GLB1: variants seen among roughly 807,000 people sequenced by gnomAD.
The protein encoded by GLB1 is beta-galactosidase.
Under a neutral mutation model 74.0 loss-of-function variants are expected in GLB1, and 56 were observed. That is an observed-to-expected ratio of 0.76 (90% CI 0.61 to 0.94). The LOEUF is 0.94. Ranked by LOEUF, GLB1 falls within the 40% of genes least tolerant of loss-of-function variation. The pLI is 0.00. For missense variants in GLB1, 787 were observed against 845.5 expected, an observed-to-expected ratio of 0.93 and a Z score of 0.86; for synonymous variants, 323 against 323.6, an observed-to-expected ratio of 1.00 and a Z score of 0.02.
At chr3:33,090,837 T>TCAAGCA in intron 1 of GLB1, 1 of 985,140 alleles carries the variant, frequency 1.0e-6, no homozygotes, top group Non-Finnish European at 1.2e-6. Flanking sequence ...AAGCAATCAG[T>TCAAGCA]CAAGCAAGGA....
chr3:32,977,779 G>A, the GLB1 span, among the ~76,000 whole-genome samples: 80 of 152,300 alleles, frequency 5.3e-4, no homozygotes, highest in Admixed American at 2.2e-3. Context: ...GATATCATCC[G>A]AGAAGATTGA....
the GLB1 span, among the ~76,000 whole-genome samples, chr3:32,962,193 T>TA: frequency 0.86 from 127,724 of 148,726 alleles, 55,084 homozygotes; most frequent in East Asian, 0.99. Flanking sequence ...GACTACATAT[T>TA]AAAAAAAAAA....
At chr3:33,048,207 C>A (rs762219146) in intron 9 of GLB1, among the ~76,000 whole-genome samples, 2 of 152,048 alleles carry the variant, frequency 1.3e-5, no homozygotes, top group Non-Finnish European at 2.9e-5. Context: ...ACTTTACAGG[C>A]CGAGGGAGCC....
chr3:32,979,196 G>A, the GLB1 span, among the ~76,000 whole-genome samples: 1 of 151,930 alleles, frequency 6.6e-6, no homozygotes, highest in Non-Finnish European at 1.5e-5. Context: ...GCCTAGTCTC[G>A]AACTCCCAAC....
intron 1 of GLB1, among the ~76,000 whole-genome samples, chr3:33,088,359 C>A (rs1700611847): frequency 7.6e-6 from 1 of 130,862 alleles, no homozygotes; most frequent in Non-Finnish European, 1.6e-5. Flanking sequence ...TGTAGGAAAC[C>A]CTAAAGACTA....
the GLB1 span, among the ~76,000 whole-genome samples, chr3:32,964,335 A>C: frequency 6.6e-6 from 1 of 152,352 alleles, no homozygotes; most frequent in Non-Finnish European, 1.5e-5. Context: ...GCTCCTCTTC[A>C]TGGAATGACC....
At chr3:33,049,566 G>A (rs181535090) in intron 9 of GLB1, among the ~76,000 whole-genome samples, 4 of 152,158 alleles carry the variant, frequency 2.6e-5, no homozygotes, top group South Asian at 4.2e-4. Context: ...ACAGGTGAGC[G>A]CCACCACAAC....
At chr3:33,084,103 C>T (rs1263956596) in intron 1 of GLB1, among the ~76,000 whole-genome samples, 4 of 152,110 alleles carry the variant, frequency 2.6e-5, no homozygotes, top group Non-Finnish European at 5.9e-5. Flanking sequence ...CCCTACACAC[C>T]CCTACAACTC....
chr3:33,041,402 C>G (rs555023770), intron 10 of GLB1, among the ~76,000 whole-genome samples: 28 of 152,258 alleles, frequency 1.8e-4, no homozygotes, highest in African/African-American at 6.0e-4. Context: ...TGGCTCACAC[C>G]TGTAATCCCA....
intron 1 of GLB1, among the ~76,000 whole-genome samples, chr3:33,088,295 TC>T (rs1193777568): frequency 6.7e-6 from 1 of 149,770 alleles, no homozygotes; most frequent in Non-Finnish European, 1.5e-5. Flanking sequence ...TAAAAGGCAT[TC>T]AAATTAGAAA....
chr3:33,085,992 C>T lies in GLB1; in HGVS notation c.75+11019G>A, dbSNP rs112759707. On this transcript the variant is annotated intron_variant, in intron 1 of 15. Transcript: ENST00000307363. ...TATCTGGAGGCCAAAGTGAGTGTATCGCTTAAGCCCAGGAAATTGAGAGTG... is the reference window on the plus strand; with the variant it reads ...TATCTGGAGGCCAAAGTGAGTGTATTGCTTAAGCCCAGGAAATTGAGAGTG... 1.7e-3 allele frequency among the ~76,000 whole-genome samples: 255 copies of T among 151,610 alleles called. 1 individual carries two copies. The highest frequency in any genetic ancestry group is 5.8e-3 in the African/African-American group (241 of 41,292).
At chr3:33,004,899 C>T (rs967944165) in intron 15 of GLB1, among the ~76,000 whole-genome samples, 1 of 152,090 alleles carries the variant, frequency 6.6e-6, no homozygotes, top group Non-Finnish European at 1.5e-5. Context: ...AAGAGCTGAG[C>T]TGGAAAAGGA....
the GLB1 span, among the ~76,000 whole-genome samples, chr3:32,968,861 G>A: frequency 0.088 from 13,446 of 152,252 alleles, 1,336 homozygotes; most frequent in African/African-American, 0.25. Flanking sequence ...GCATCGCCCA[G>A]TGACATACTT....
chr3:32,989,166 G>C, the GLB1 span, among the ~76,000 whole-genome samples: 1 of 152,276 alleles, frequency 6.6e-6, no homozygotes, highest in African/African-American at 2.4e-5. Flanking sequence ...TTGCCCACCA[G>C]GGAAGTTGTG....
chr3:33,012,685 C>T (rs1218340290), intron 15 of GLB1, among the ~76,000 whole-genome samples: 2 of 152,196 alleles, frequency 1.3e-5, no homozygotes, highest in Non-Finnish European at 2.9e-5. Context: ...TCATGACCCC[C>T]CTTTCTAAGC....
the GLB1 span, among the ~76,000 whole-genome samples, chr3:32,971,181 T>A: frequency 6.6e-5 from 10 of 152,212 alleles, no homozygotes; most frequent in African/African-American, 2.2e-4. Flanking sequence ...CCAAACCAGA[T>A]TGTAAGACAA....
chr3:32,968,878 G>T, the GLB1 span, among the ~76,000 whole-genome samples: 2 of 152,196 alleles, frequency 1.3e-5, no homozygotes, highest in African/African-American at 4.8e-5. Context: ...ACTTATCCAG[G>T]CAATTAGATT....
intron 1 of GLB1, among the ~76,000 whole-genome samples, chr3:33,088,481 G>A (rs1471990073): frequency 2.0e-5 from 3 of 151,556 alleles, no homozygotes; most frequent in Non-Finnish European, 4.4e-5. Flanking sequence ...AAAATCAGTT[G>A]CTTCTCTATA....
chr3:33,014,103 G>A lies in GLB1; in HGVS notation c.1687C>T (p.Pro563Ser). The change falls in exon 15 of 16, where the codon CCA becomes TCA. Residue 563 changes from proline to serine, a missense_variant. By Grantham distance (74) the Pro-to-Ser change is moderately conservative. Coordinates refer to ENST00000307363, the MANE Select transcript of GLB1 (RefSeq NM_000404.4). ...ATAAAGGTGTCCTGGGGCAAGTCTG[G>A]GATCCCACTGGGAATGGAGAAGTTC... ...MGNFSIPSGIPDLPQDTFIQF... is the reference protein window; with the variant it reads ...MGNFSIPSGISDLPQDTFIQF... 6.2e-7 allele frequency: 1 copy of A among 1,614,188 alleles called. No individual in the cohort carries two copies.
Sources: gnomAD v4.1 joint callset for allele counts (sites outside exome capture counted in the v4.1 genomes callset) on GRCh38, gnomAD v4.1.1 for gene constraint, MANE v1.5 for transcripts, NCBI Gene and HGNC (gene_info 2026-07-23, HGNC 2026-07-21) for gene names.